DRD3: variants seen among roughly 807,000 people sequenced by gnomAD.
DRD3 encodes dopamine receptor D3, also known as D(3) dopamine receptor.
A neutral mutation model predicts 36.3 loss-of-function variants in DRD3; 19 were observed. The observed-to-expected ratio is 0.52, with a 90% CI of 0.36 to 0.77. The LOEUF is 0.77. Ranked by LOEUF, DRD3 falls within the 30% of genes least tolerant of loss-of-function variation. The pLI is 0.00. For synonymous variants in DRD3, 195 were observed against 203.7 expected, an observed-to-expected ratio of 0.96 and a Z score of 0.36; for missense variants, 465 against 505.3, an observed-to-expected ratio of 0.92 and a Z score of 0.77.
upstream of DRD3, among the ~76,000 whole-genome samples, chr3:114,179,533 T>A (rs2077933825): frequency 2.0e-5 from 3 of 152,196 alleles, no homozygotes; most frequent in South Asian, 2.1e-4. Context: ...ATACCTTTTT[T>A]AAAACTGGTT....
At chr3:114,157,268 G>C (rs1054238489) in intron 3 of DRD3, among the ~76,000 whole-genome samples, 3 of 151,930 alleles carry the variant, frequency 2.0e-5, no homozygotes, top group Non-Finnish European at 2.9e-5. Flanking sequence ...TGGCCAGCCT[G>C]GTCTCGAACT....
At chr3:114,182,407 C>G (rs193138219), upstream of DRD3, among the ~76,000 whole-genome samples, 1 of 152,150 alleles carries the variant, frequency 6.6e-6, no homozygotes, top group Non-Finnish European at 1.5e-5. Flanking sequence ...GCTTCTCAAT[C>G]AATCAGATTT....
At chr3:114,162,325 T>G (rs1178690339) in intron 2 of DRD3, among the ~76,000 whole-genome samples, 1 of 152,192 alleles carries the variant, frequency 6.6e-6, no homozygotes, top group Non-Finnish European at 1.5e-5. Context: ...ACTGAATTTG[T>G]TTTTATTGTA....
intron 2 of DRD3, among the ~76,000 whole-genome samples, chr3:114,167,844 C>A (rs2077800992): frequency 6.6e-6 from 1 of 152,240 alleles, no homozygotes; most frequent in African/African-American, 2.4e-5. Flanking sequence ...CCAATCAGAG[C>A]ACATCTTGAT....
At chr3:114,189,715 G>C (rs2077993732) in intron 1 of DRD3, among the ~76,000 whole-genome samples, 1 of 152,200 alleles carries the variant, frequency 6.6e-6, no homozygotes, top group Non-Finnish European at 1.5e-5. Context: ...ACTCCTTGTT[G>C]TTTGACACTA....
chr3:114,148,469 T>C (rs1203636661), intron 3 of DRD3, among the ~76,000 whole-genome samples: 5 of 152,216 alleles, frequency 3.3e-5, no homozygotes, highest in Admixed American at 6.5e-5. Context: ...AGTTCCTTAC[T>C]ATTATTGGAC....
intron 1 of DRD3, chr3:114,176,119 C>T (rs2077896293): frequency 6.6e-6 from 1 of 152,180 alleles, no homozygotes; most frequent in East Asian, 1.9e-4. Flanking sequence ...GAATAACAGT[C>T]TTCCTGAAAC....
intron 4 of DRD3, among the ~76,000 whole-genome samples, chr3:114,142,047 C>CAA (rs771946847): frequency 3.6e-4 from 23 of 64,710 alleles, no homozygotes; most frequent in African/African-American, 7.1e-4. Context: ...GACTCTCTCT[C>CAA]AAAAAAAAAA....
intron 6 of DRD3, among the ~76,000 whole-genome samples, chr3:114,129,327 A>C (rs2077406038): frequency 6.6e-6 from 1 of 152,098 alleles, no homozygotes; most frequent in African/African-American, 2.4e-5. Flanking sequence ...TGGGTGACAG[A>C]GTAATACTCC....
At chr3:114,139,355 G>A (rs897479476) in intron 5 of DRD3, 145 bp downstream of exon 5, 20 of 772,498 alleles carry the variant, frequency 2.6e-5, no homozygotes, top group Middle Eastern at 7.9e-4. Context: ...CCTTCAAAGC[G>A]CAGCCAAAAT....
chr3:114,184,344 G>A (rs568426921), intron 1 of DRD3, among the ~76,000 whole-genome samples: 36 of 152,042 alleles, frequency 2.4e-4, no homozygotes, highest in South Asian at 1.2e-3. Context: ...TTTTAAATGC[G>A]TTAGTCTCTT....
chr3:114,176,302 C>T (rs1249463341), intron 1 of DRD3: 8 of 152,068 alleles, frequency 5.3e-5, no homozygotes, highest in Non-Finnish European at 1.2e-4. Flanking sequence ...TGGAAGTTGA[C>T]GTTAGTCATT....
intron 2 of DRD3, among the ~76,000 whole-genome samples, chr3:114,168,556 G>GCTCT (rs150328361): frequency 5.3e-4 from 78 of 147,814 alleles, no homozygotes; most frequent in Admixed American, 2.9e-3. Flanking sequence ...GAAAGTGCAT[G>GCTCT]CTCTCTCTCT....
chr3:114,138,497 A>C (rs2077495384), intron 5 of DRD3, among the ~76,000 whole-genome samples: 1 of 152,164 alleles, frequency 6.6e-6, no homozygotes. Context: ...AGATCTCGTG[A>C]GACTTATTCA....
intron 5 of DRD3, among the ~76,000 whole-genome samples, chr3:114,137,997 C>CAAAAA (rs36094182): frequency 4.8e-5 from 3 of 62,176 alleles, no homozygotes; most frequent in Admixed American, 4.3e-4. Context: ...GACTCCGTCT[C>CAAAAA]AAAAAAAAAA....
At chr3:114,157,184 G>A (rs1296820665) in intron 3 of DRD3, among the ~76,000 whole-genome samples, 1 of 151,860 alleles carries the variant, frequency 6.6e-6, no homozygotes, top group African/African-American at 2.4e-5. Flanking sequence ...CTCCTGAGTA[G>A]CTGGAATTAC....
intron 3 of DRD3, among the ~76,000 whole-genome samples, chr3:114,155,396 G>A (rs1323393870): frequency 1.3e-5 from 2 of 152,094 alleles, no homozygotes; most frequent in African/African-American, 4.8e-5. Flanking sequence ...GGGATCTAAG[G>A]CATGGCTGGT....
At chr3:114,164,220 C>CAAGAAAAAA (rs2077760689) in intron 2 of DRD3, among the ~76,000 whole-genome samples, 1 of 17,776 alleles carries the variant, frequency 5.6e-5, no homozygotes, top group Non-Finnish European at 1.4e-4. Flanking sequence ...GCCTCAGTCT[C>CAAGAAAAAA]AAAAAAAAAA....
intron 2 of DRD3, among the ~76,000 whole-genome samples, chr3:114,163,492 G>A (rs1211597634): frequency 6.6e-6 from 1 of 152,138 alleles, no homozygotes; most frequent in African/African-American, 2.4e-5. Flanking sequence ...ATTTGCCTAA[G>A]GACACATAGC....
Sources: allele counts gnomAD v4.1 joint callset (sites outside exome capture counted in the v4.1 genomes callset), GRCh38; gene constraint gnomAD v4.1.1; transcripts MANE v1.5; gene names NCBI Gene and HGNC (gene_info 2026-07-23, HGNC 2026-07-21).